Variants in XNDC1N observed in about 807,000 individuals in gnomAD.
The protein encoded by XNDC1N is XRCC1 N-terminal domain containing 1, N-terminal like.
chr11:71,911,749 A>G, the XNDC1N span, among the ~76,000 whole-genome samples: 25 of 152,174 alleles, frequency 1.6e-4, no homozygotes, highest in African/African-American at 5.8e-4. Context: ...ATGATTAGAA[A>G]CAGTATGGAA....
At chr11:71,912,934 C>T in the XNDC1N span, among the ~76,000 whole-genome samples, 1 of 152,080 alleles carries the variant, frequency 6.6e-6, no homozygotes, top group Non-Finnish European at 1.5e-5. Flanking sequence ...GGAACAACAT[C>T]ACAAGTGGGG....
the XNDC1N span, among the ~76,000 whole-genome samples, chr11:71,887,090 A>G: frequency 6.6e-6 from 1 of 152,104 alleles, no homozygotes; most frequent in African/African-American, 2.4e-5. Flanking sequence ...TGAGGGAGAC[A>G]AGACTCAAGC....
the XNDC1N span, among the ~76,000 whole-genome samples, chr11:71,867,744 G>C: frequency 6.6e-6 from 1 of 152,204 alleles, no homozygotes; most frequent in African/African-American, 2.4e-5. Flanking sequence ...ACCATGTGCA[G>C]ATGAGAAGAA....
chr11:71,867,003 CAAAAT>C, the XNDC1N span, among the ~76,000 whole-genome samples: 1 of 151,932 alleles, frequency 6.6e-6, no homozygotes, highest in Non-Finnish European at 1.5e-5. Context: ...ATTCAAAATA[CAAAAT>C]AAAATATTTT....
At chr11:71,900,350 C>T in the XNDC1N span, among the ~76,000 whole-genome samples, 1 of 152,056 alleles carries the variant, frequency 6.6e-6, no homozygotes, top group Admixed American at 6.5e-5. Context: ...ACTAGACATA[C>T]CCACAGCTGT....
chr11:71,887,748 C>T, the XNDC1N span, among the ~76,000 whole-genome samples: 3 of 152,246 alleles, frequency 2.0e-5, no homozygotes, highest in East Asian at 3.8e-4. Context: ...AACTACCAGC[C>T]GGTACAGGAT....
chr11:71,895,383 C>A, the XNDC1N span, among the ~76,000 whole-genome samples: 67 of 151,926 alleles, frequency 4.4e-4, 1 homozygote, highest in African/African-American at 1.5e-3. Context: ...GGTCTCGGCT[C>A]ACTGCAACTT....
the XNDC1N span, among the ~76,000 whole-genome samples, chr11:71,907,857 G>A: frequency 6.6e-6 from 1 of 152,110 alleles, no homozygotes; most frequent in African/African-American, 2.4e-5. Context: ...ATATTTTTAA[G>A]GACCATCTCA....
At chr11:71,892,228 G>A in the XNDC1N span, among the ~76,000 whole-genome samples, 2 of 152,068 alleles carry the variant, frequency 1.3e-5, no homozygotes, top group African/African-American at 4.8e-5. Context: ...GGTATTAGGA[G>A]TAATATCTAC....
the XNDC1N span, among the ~76,000 whole-genome samples, chr11:71,918,442 T>G: frequency 6.6e-6 from 1 of 152,184 alleles, no homozygotes; most frequent in East Asian, 1.9e-4. Flanking sequence ...CCACCACACC[T>G]GGCTAATTTT....
At chr11:71,868,925 T>A in the XNDC1N span, among the ~76,000 whole-genome samples, 1 of 152,202 alleles carries the variant, frequency 6.6e-6, no homozygotes, top group Non-Finnish European at 1.5e-5. Context: ...GTGAGTCATA[T>A]ATCTGGTCGC....
At chr11:71,919,054 G>T in the XNDC1N span, 9 of 701,394 alleles carry the variant, frequency 1.3e-5, no homozygotes, top group Admixed American at 1.8e-4. Flanking sequence ...AGAAAATCAG[G>T]AATCTCACTG....
At chr11:71,886,475 G>A in the XNDC1N span, among the ~76,000 whole-genome samples, 1 of 152,036 alleles carries the variant, frequency 6.6e-6, no homozygotes, top group Admixed American at 6.5e-5. Context: ...ACCGAGACAG[G>A]GAAGCTCTCT....
At chr11:71,914,736 A>C in the XNDC1N span, among the ~76,000 whole-genome samples, 394 of 152,214 alleles carry the variant, frequency 2.6e-3, no homozygotes, top group Non-Finnish European at 4.2e-3. Context: ...TAGAAATGGA[A>C]CATGAGGATG....
chr11:71,876,303 G>A, the XNDC1N span, among the ~76,000 whole-genome samples: 328 of 152,194 alleles, frequency 2.2e-3, 2 homozygotes, highest in East Asian at 0.02. Flanking sequence ...TAGCTTGATA[G>A]CTATCTGATT....
At chr11:71,879,370 A>C in the XNDC1N span, among the ~76,000 whole-genome samples, 1 of 152,304 alleles carries the variant, frequency 6.6e-6, no homozygotes, top group South Asian at 2.1e-4. Context: ...AATCAATATG[A>C]CTTTCCCAAA....
At chr11:71,926,682 C>T in the XNDC1N span, among the ~76,000 whole-genome samples, 2,529 of 152,198 alleles carry the variant, frequency 0.017, 31 homozygotes, top group South Asian at 0.027. Context: ...GGGTGGATCA[C>T]TTGAGGTCAG....
At chr11:71,919,929 C>CTTCTTTTTTTTT in the XNDC1N span, among the ~76,000 whole-genome samples, 9 of 26,632 alleles carry the variant, frequency 3.4e-4, no homozygotes, top group South Asian at 1.8e-3. Context: ...AAGCAGGCCT[C>CTTCTTTTTTTTT]TTTTTTTTTT....
chr11:71,916,390 GT>G, the XNDC1N span: 1 of 612,872 alleles, frequency 1.6e-6, no homozygotes, highest in Non-Finnish European at 2.9e-6. Context: ...TTCAGTAAAT[GT>G]CCCCTTAGGC....
Sources: gnomAD v4.1 joint callset for allele counts (sites outside exome capture counted in the v4.1 genomes callset) on GRCh38, gnomAD v4.1.1 for gene constraint, MANE v1.5 for transcripts, NCBI Gene and HGNC (gene_info 2026-07-23, HGNC 2026-07-21) for gene names.